The following MUC6 variants were observed in gnomAD, a reference collection of about 807,000 sequenced individuals.
MUC6 encodes mucin 6, oligomeric mucus/gel-forming (gene/pseudogene), also known as mucin-6.
Under a neutral mutation model 201.5 loss-of-function variants are expected in MUC6, and 188 were observed. The ratio of observed to expected loss-of-function variants is 0.93; its 90% CI spans 0.83 to 1.05. The LOEUF is 1.05. MUC6 is among the 50% of genes least tolerant of loss of function. The pLI is 0.00. For synonymous variants in MUC6, 1,228 were observed against 1,389.4 expected, an observed-to-expected ratio of 0.88 and a Z score of 2.58; for missense variants, 2,706 against 3,256.9, an observed-to-expected ratio of 0.83 and a Z score of 4.12.
chr11:1,014,977 G>A (rs928143398), intron 31 of MUC6, among the ~76,000 whole-genome samples: 16 of 152,268 alleles, frequency 1.1e-4, no homozygotes, highest in South Asian at 4.1e-4. Context: ...GCAGCAACGA[G>A]CTGCCACCCA....
chr11:1,032,037 C>T lies in MUC6; in HGVS notation c.132G>A (p.Gln44=). The T allele has an allele frequency of 6.2e-7, 1 of 1,613,366 alleles. No individual in the cohort carries two copies. Among genetic ancestry groups the T allele is most frequent in the South Asian group, 1.1e-5 (1 of 91,072 alleles). ...AGTGACCAGCCCCCCACGTGGAGCACTGGCCTTTGTCCGGGGCTACAGAGA... is the reference window on the plus strand; with the variant it reads ...AGTGACCAGCCCCCCACGTGGAGCATTGGCCTTTGTCCGGGGCTACAGAGA... ...DSPQTAPDKG[Q]CSTWGAGHFS... Residue 44 remains glutamine, a synonymous_variant, in exon 3 of 33, where the codon CAG becomes CAA. Transcript: ENST00000421673.
chr11:1,013,201 C>T lies in MUC6; in HGVS notation c.*255G>A, dbSNP rs1368154809. On this transcript the variant is annotated 3_prime_UTR_variant, in exon 33 of 33. Transcript: ENST00000421673. ...GGGTGGTCGGGAGTGCCCTGTGTGCCTGGGAGGTCCGTGACCACTGTCCGC... is the reference window on the plus strand; with the variant it reads ...GGGTGGTCGGGAGTGCCCTGTGTGCTTGGGAGGTCCGTGACCACTGTCCGC... 5.5e-6 allele frequency: 3 copies of T among 543,162 alleles called. No individual in the cohort carries two copies. The highest frequency in any genetic ancestry group is 9.7e-6 in the Non-Finnish European group (3 of 309,510). The allele number at this position is 543,162 out of a possible 1,614,324, so 33.6% of individuals were successfully genotyped here.
At position 1,016,252 on chromosome 11, in the gene MUC6, C is replaced by T; in HGVS notation, c.6549G>A (p.Leu2183=). ...TTLSSGSHSS[L]STHPTTASVS... is the part of the protein sequence containing the mutation. ...CTGATGCAGTCGTGGGATGAGTGGA[C>T]AATGAGGAGTGTGACCCCGAGCTCA... The change falls in exon 31 of 33, where the codon TTG becomes TTA. Residue 2183 remains leucine, a synonymous_variant. Transcript: ENST00000421673. The T allele has an allele frequency of 6.2e-7, 1 of 1,613,012 alleles. No homozygotes were observed. The highest frequency in any genetic ancestry group is 8.5e-7 in the Non-Finnish European group (1 of 1,179,680).
At position 1,025,867 on chromosome 11, in the gene MUC6, C is replaced by G. The variant is rs764832678; in HGVS notation, c.2737G>C (p.Glu913Gln). 2 of 1,612,920 alleles carry G rather than the reference C, an allele frequency of 1.2e-6. No homozygotes were observed. Among genetic ancestry groups the G allele is most frequent in the Middle Eastern group, 3.3e-4 (2 of 6,062 alleles). The part of the protein sequence containing the change: ...DSQPTFKILT[E>Q]NVICGNSGVT... The stretch of plus-strand genomic sequence containing the variant: ...CCGGAGTTCCCACAGATGACGTTCT[C>G]TGTCAGGATCTTGAAGGTGGGCTGT... Residue 913 changes from glutamate to glutamine, a missense_variant, in exon 22 of 33, where the codon GAG (glutamate) becomes CAG (glutamine). Transcript: ENST00000421673.
rs2133838841 is a variant in MUC6 at position 1,033,609 on chromosome 11, C to A, written c.53-534G>T. Among the ~76,000 whole-genome samples, 1 of 152,238 alleles carries A rather than the reference C, an allele frequency of 6.6e-6. No individual in the cohort carries two copies. The highest frequency in any genetic ancestry group is 1.9e-4 in the East Asian group (1 of 5,172). On this transcript the variant is annotated intron_variant, in intron 1 of 32. Transcript: ENST00000421673. The surrounding 1 kb of genome is among the most constrained non-coding windows in gnomAD (Gnocchi z 5.6). The stretch of plus-strand genomic sequence containing the variant: ...CCTTGAGACAGCCTTGATGTCAGGC[C>A]TGGCACTGAGGCCACTGTTGTCAGA...
chr11:1,032,287 G>T (rs1344739261), intron 2 of MUC6, among the ~76,000 whole-genome samples: 2 of 152,152 alleles, frequency 1.3e-5, no homozygotes, highest in Admixed American at 6.5e-5. Context: ...TATGTGTGTT[G>T]TGTGTGTGCA....
At chr11:1,019,886 G>T in intron 29 of MUC6, 1 of 738,698 alleles carries the variant, frequency 1.4e-6, no homozygotes, top group Non-Finnish European at 2.3e-6. Flanking sequence ...AGCAAGGAAT[G>T]CCCCATGCCA....
intron 2 of MUC6, among the ~76,000 whole-genome samples, chr11:1,032,260 G>A (rs1179494051): frequency 2.6e-5 from 4 of 152,204 alleles, no homozygotes; most frequent in South Asian, 2.1e-4. Flanking sequence ...GTGCACACAC[G>A]TGTGTGTGGG....
Position 1,015,771 on chromosome 11 carries a change from T to G in MUC6, c.7030A>C (p.Thr2344Pro). The change falls in exon 31 of 33, where the codon ACC (threonine) becomes CCC (proline). Residue 2344 changes from threonine to proline, a missense_variant. Physicochemically the swap from Thr to Pro is conservative, Grantham distance 38. Transcript: ENST00000421673. ...PVSSLGTPTP[T>P]SPGVCSVREQ... ...CAGAGATGCCACTTACCGGGTGAGG[T>G]GGGCGTAGGTGTCCCGAGAGAAGAT... is the stretch of plus-strand genomic sequence containing the variant. The G allele has an allele frequency of 6.6e-7, 1 of 1,522,422 alleles. No individual in the cohort carries two copies. Among genetic ancestry groups the G allele is most frequent in the Non-Finnish European group, 8.8e-7 (1 of 1,132,470 alleles). The allele number at this position is 1,522,422 out of a possible 1,614,324, so 94.3% of individuals were successfully genotyped here.
intron 22 of MUC6, 37 bp from the exon 23 acceptor site, chr11:1,025,404 C>T: frequency 1.3e-6 from 2 of 1,587,772 alleles, no homozygotes; most frequent in Non-Finnish European, 1.7e-6. Flanking sequence ...GCCTGTCTGT[C>T]TCCCCCGGCC....
intron 18 of MUC6, 24 bp downstream of exon 18, chr11:1,027,117 T>A (rs1455092169): frequency 1.2e-6 from 2 of 1,612,116 alleles, no homozygotes; most frequent in Non-Finnish European, 1.7e-6. Flanking sequence ...AGTCCCAGCC[T>A]GCGGCCAGCG....
rs1014846451 is a variant in MUC6 at position 1,023,773 on chromosome 11, G to A, written c.3383-121C>T. On this transcript the variant is annotated intron_variant, in intron 25 of 32. Transcript: ENST00000421673. ...GGCGGGGAAGGTCTGGGCCCTCTTG[G>A]TGAAGCCTCCCCTGGGCAGCTGGGG... 6 of 1,473,328 alleles carry A rather than the reference G, an allele frequency of 4.1e-6. No homozygotes were observed. The South Asian group carries it at 8.1e-5, about 20-fold the overall frequency. The allele number at this position is 1,473,328 out of a possible 1,614,324, so 91.3% of individuals were successfully genotyped here. A position where few individuals can be genotyped will look rare whatever the true frequency, so the allele number is the denominator to read the frequency against.
At chr11:1,019,564 C>T in intron 29 of MUC6, 68 bp from the exon 30 acceptor site, 3 of 1,405,754 alleles carry the variant, frequency 2.1e-6, no homozygotes, top group Non-Finnish European at 3.0e-6. Flanking sequence ...TGTGTCCCAG[C>T]CCCCTGCCCT....
At chr11:1,023,333 A>G (rs1307439885) in intron 26 of MUC6, among the ~76,000 whole-genome samples, 176 bp downstream of exon 26, 1 of 151,506 alleles carries the variant, frequency 6.6e-6, no homozygotes, top group East Asian at 1.9e-4. Flanking sequence ...AATCTGCATG[A>G]ATGAATGTGA....
Position 1,031,797 on chromosome 11 carries a change from G to A in MUC6, c.356+16C>T, listed in dbSNP as rs568758533. On this transcript the variant is annotated intron_variant, in intron 3 of 32. Coordinates refer to ENST00000421673, the MANE Select transcript of MUC6 (RefSeq NM_005961.3). ...TCCGGCCCCCGAGCCCCCGGGCCCC[G>A]GCCCACCTGACCTACCCGATGTCCT... 39 of 1,579,078 alleles carry A rather than the reference G, an allele frequency of 2.5e-5. No homozygotes were observed. In the South Asian group the frequency reaches 3.2e-4, roughly 13 times the overall value.
rs199905992 is a variant in MUC6, at chr11:1,028,367, C to T, written c.1612G>A (p.Gly538Arg). The T allele has an allele frequency of 1.2e-4, 199 of 1,612,464 alleles. No individual in the cohort carries two copies. Among genetic ancestry groups the T allele is most frequent in the Non-Finnish European group, 1.6e-4 (185 of 1,179,828 alleles). ...GTGGTGAAGTCATCCGTTGTGTCCCCGTTGAAGTTGCCGCAGAGCCCTGAG... is the reference window on the plus strand; with the variant it reads ...GTGGTGAAGTCATCCGTTGTGTCCCTGTTGAAGTTGCCGCAGAGCCCTGAG... ...QTRGLCGNFN[G>R]DTTDDFTTSM... The change falls in exon 14 of 33, where the codon GGG (glycine) becomes AGG (arginine). Residue 538 changes from glycine to arginine, a missense_variant. Physicochemically the swap from Gly to Arg is moderately radical, Grantham distance 125. This residue lies in a region of MUC6 where 1,850 missense variants were observed against 1,958.3 expected (regional missense o/e 0.94). Coordinates refer to ENST00000421673, the MANE Select transcript of MUC6 (RefSeq NM_005961.3).
At chr11:1,023,743 G>C in intron 25 of MUC6, 91 bp from the exon 26 acceptor site, 1 of 1,542,340 alleles carries the variant, frequency 6.5e-7, no homozygotes, top group Non-Finnish European at 8.8e-7. Flanking sequence ...TGGAACCTGA[G>C]TGTGGGCGGG....
rs1361997561 is a variant in MUC6 at position 1,031,257 on chromosome 11, A to G, written c.486T>C (p.Val162=). 4 of 1,565,686 alleles carry G rather than the reference A, an allele frequency of 2.6e-6. No homozygotes were observed. Among genetic ancestry groups the G allele is most frequent in the Non-Finnish European group, 3.5e-6 (4 of 1,156,032 alleles). ...GACCCATGTACTTCCGCTCCACCAG[A>G]ACCTGCGGGAGACGGCTCTGCTGGG... The part of the protein sequence containing the change: ...VVWGPDSHLM[V]LVERKYMGQM... Residue 162 remains valine (V), a splice_region_variant and synonymous_variant, in exon 5 of 33, where the codon GTT becomes GTC. Transcript: ENST00000421673.
chr11:1,029,014 G>C (rs376249390), intron 11 of MUC6, 32 bp downstream of exon 11: 6 of 1,612,756 alleles, frequency 3.7e-6, no homozygotes, highest in Non-Finnish European at 5.1e-6. Flanking sequence ...GCGGAGCCCT[G>C]CTGGCAGGGA....
Sources: allele counts gnomAD v4.1 joint callset (sites outside exome capture counted in the v4.1 genomes callset), GRCh38; gene constraint gnomAD v4.1.1; regional missense constraint gnomAD v4.1.1; non-coding constraint Gnocchi (gnomAD v3.1); transcripts MANE v1.5; gene names NCBI Gene and HGNC (gene_info 2026-07-23, HGNC 2026-07-21).